Variants in PCLO observed in about 807,000 individuals in gnomAD.
PCLO encodes the protein protein piccolo.
PCLO carries 82 observed loss-of-function variants against 427.5 expected under a neutral mutation model. The ratio of observed to expected loss-of-function variants is 0.19; its 90% CI spans 0.16 to 0.23. The LOEUF is 0.23. PCLO is among the 10% of genes least tolerant of loss of function. The pLI, the probability that PCLO is intolerant of heterozygous loss-of-function variation, is 1.00. For missense variants in PCLO, 6,239 were observed against 6,115.9 expected (o/e 1.02, Z -0.67); for synonymous variants, 2,357 against 2,155.4 (o/e 1.09, Z -2.59).
Position 82,954,632 on chromosome 7 carries a change from T to A in PCLO, c.6321A>T (p.Thr2107=), listed in dbSNP as rs757237928. The change falls in exon 5 of 25, where the codon ACA becomes ACT. Residue 2107 remains threonine, a synonymous_variant. Coordinates refer to ENST00000333891, the MANE Select transcript of PCLO (RefSeq NM_033026.6). The stretch of plus-strand genomic sequence containing the variant: ...GAGACGCTCCTGAGAGAACACTTGA[T>A]GTCAAAGAGGCATCTGGCATTCTGT... ...DFDRMPDASL[T]SSVLSGASLT... is the part of the protein sequence containing the mutation. The A allele has an allele frequency of 1.2e-6, 2 of 1,613,968 alleles. No individual in the cohort carries two copies. Among genetic ancestry groups the A allele is most frequent in the South Asian group, 1.1e-5 (1 of 91,086 alleles).
At chr7:83,135,782 AT>A (rs1360116506) in intron 2 of PCLO, 126 bp from the exon 3 acceptor site, 2 of 576,740 alleles carry the variant, frequency 3.5e-6, no homozygotes, top group Non-Finnish European at 5.9e-6. Flanking sequence ...TATAGAGAAA[AT>A]TATTTTAATA....
At chr7:83,140,545 C>A (rs1050403286) in intron 2 of PCLO, among the ~76,000 whole-genome samples, 4 of 152,110 alleles carry the variant, frequency 2.6e-5, no homozygotes, top group Non-Finnish European at 5.9e-5. Context: ...ACACTTTAAG[C>A]ATCAGTTATG....
Position 83,106,674 on chromosome 7 carries a change from A to G in PCLO, c.3300+27576T>C, listed in dbSNP as rs1188525807. On this transcript the variant is annotated intron_variant, in intron 3 of 24. Transcript: ENST00000333891. ...TTTTATATGAAATAATAAAATATCC[A>G]CATAGAAAAGGAAAATATAAGTATG... 7.9e-5 allele frequency among the ~76,000 whole-genome samples: 12 copies of G among 152,262 alleles called. No homozygotes were observed. In the East Asian group the frequency reaches 2.3e-3, roughly 29 times the overall value.
At chr7:83,086,539 T>G (rs1334686928) in intron 3 of PCLO, among the ~76,000 whole-genome samples, 1 of 152,208 alleles carries the variant, frequency 6.6e-6, no homozygotes, top group Non-Finnish European at 1.5e-5. Context: ...CTGACTGTTT[T>G]TTATTTAAAT....
chr7:82,940,340 C>T (rs1051262615), intron 6 of PCLO, among the ~76,000 whole-genome samples: 1 of 152,018 alleles, frequency 6.6e-6, no homozygotes, highest in Non-Finnish European at 1.5e-5. Flanking sequence ...TTATTCATGT[C>T]GAAAGGAAAA....
chr7:82,809,666 GTAGA>G (rs1197785397), intron 20 of PCLO, among the ~76,000 whole-genome samples: 3 of 151,330 alleles, frequency 2.0e-5, no homozygotes, highest in African/African-American at 4.8e-5. Flanking sequence ...GAATGATTTA[GTAGA>G]TAATTTCACT....
At chr7:83,038,193 CATACACACACATATATGTGTTTA>C in intron 3 of PCLO, among the ~76,000 whole-genome samples, 1 of 132,684 alleles carries the variant, frequency 7.5e-6, no homozygotes, top group African/African-American at 2.6e-5. Context: ...AACACATATC[CATACACACACATATATGTGTTTA>C]ATATACACAC....
In PCLO at chr7:82,970,365, C is replaced by T. The variant is rs191126228; in HGVS notation, c.3301-3878G>A. ...AAAATCTGCTTCTTTAAGATCAGGC[C>T]GGCAGAATGTGGTTACCTACCTATG... On this transcript the variant is annotated intron_variant, in intron 3 of 24. Transcript: ENST00000333891. 5.3e-5 allele frequency among the ~76,000 whole-genome samples: 8 copies of T among 151,878 alleles called. No homozygotes were observed. The East Asian group carries it at 1.6e-3, about 29-fold the overall frequency.
At chr7:83,074,777 C>T (rs1789909474) in intron 3 of PCLO, among the ~76,000 whole-genome samples, 1 of 152,062 alleles carries the variant, frequency 6.6e-6, no homozygotes, top group Non-Finnish European at 1.5e-5. Flanking sequence ...ATTCTTGATC[C>T]AAATACTGCA....
At chr7:82,934,629 A>G (rs1794910218) in intron 6 of PCLO, among the ~76,000 whole-genome samples, 1 of 151,710 alleles carries the variant, frequency 6.6e-6, no homozygotes, top group African/African-American at 2.4e-5. Context: ...TGGTGGCTTC[A>G]AAGCTTCAGA....
chr7:82,862,529 G>A (rs1316621664), intron 10 of PCLO, among the ~76,000 whole-genome samples: 1 of 129,450 alleles, frequency 7.7e-6, no homozygotes, highest in Non-Finnish European at 1.6e-5. Flanking sequence ...GTTTACAACA[G>A]CTAAGAATTG....
At chr7:82,770,248 TC>T (rs1790621165) in intron 22 of PCLO, among the ~76,000 whole-genome samples, 1 of 150,150 alleles carries the variant, frequency 6.7e-6, no homozygotes, top group African/African-American at 2.5e-5. Flanking sequence ...ATTCCCTTAT[TC>T]TTTTTTTAAA....
chr7:82,956,124 C>T lies in PCLO; in HGVS notation c.4829G>A (p.Arg1610Gln), dbSNP rs1390720559. 19 of 1,609,204 alleles carry T rather than the reference C, an allele frequency of 1.2e-5. No individual in the cohort carries two copies. Among genetic ancestry groups the T allele is most frequent in the African/African-American group, 5.3e-5 (4 of 74,908 alleles). Residue 1610 changes from arginine (R) to glutamine (Q), a missense_variant, in exon 5 of 25, where the codon CGA becomes CAA. Around this residue, in one of 5 missense-constraint regions of PCLO, gnomAD observed 4,677 missense variants for 4,468.4 expected, o/e 1.05. Coordinates refer to ENST00000333891, the MANE Select transcript of PCLO (RefSeq NM_033026.6). ...GCTTGTGCTACTTTTTCGAGTCAGT[C>T]GTCTGTGTTTCCCTGCTGTTATTTT... is the stretch of plus-strand genomic sequence containing the variant. ...KGKITAGKHR[R>Q]LTRKSSTSID...
At chr7:83,086,560 C>T (rs974748991) in intron 3 of PCLO, among the ~76,000 whole-genome samples, 15 of 152,032 alleles carry the variant, frequency 9.9e-5, no homozygotes, top group South Asian at 4.1e-4. Context: ...GGCAAACAAC[C>T]CATTTTTCTT....
chr7:83,038,679 A>C (rs2116197335), intron 3 of PCLO, among the ~76,000 whole-genome samples: 1 of 152,112 alleles, frequency 6.6e-6, no homozygotes, highest in South Asian at 2.1e-4. Context: ...GAATAGTGCT[A>C]CTAAAAACAT....
chr7:83,127,938 G>C (rs10230069), intron 3 of PCLO, among the ~76,000 whole-genome samples: 74,688 of 151,914 alleles, frequency 0.49, 19,284 homozygotes, highest in East Asian at 0.69. Context: ...TGATAGCCTT[G>C]AGATCTATCT....
chr7:82,974,481 G>A (rs980196439), intron 3 of PCLO, among the ~76,000 whole-genome samples: 59 of 152,226 alleles, frequency 3.9e-4, no homozygotes, highest in African/African-American at 8.9e-4. Flanking sequence ...AACCAATGAT[G>A]CGCTAAACTT....
intron 3 of PCLO, among the ~76,000 whole-genome samples, chr7:82,972,385 C>T (rs1355348223): frequency 6.6e-6 from 1 of 151,980 alleles, no homozygotes; most frequent in Non-Finnish European, 1.5e-5. Context: ...GCAACAATCC[C>T]ATTAAGGAGA....
intron 3 of PCLO, among the ~76,000 whole-genome samples, chr7:83,087,547 C>A (rs532297168): frequency 3.3e-5 from 5 of 151,686 alleles, no homozygotes; most frequent in South Asian, 2.1e-4. Context: ...TACTTAGTAG[C>A]CTTGGGAAAT....
Sources: gnomAD v4.1 joint callset for allele counts (sites outside exome capture counted in the v4.1 genomes callset) on GRCh38, gnomAD v4.1.1 for gene constraint, gnomAD v4.1.1 regional missense constraint, MANE v1.5 for transcripts, NCBI Gene and HGNC (gene_info 2026-07-23, HGNC 2026-07-21) for gene names.